The following NFKBIL1 variants were observed in gnomAD, a reference collection of about 807,000 sequenced individuals.
NFKBIL1 encodes NFKB inhibitor like 1, also known as NF-kappa-B inhibitor-like protein 1.
Under a neutral mutation model 45.4 loss-of-function variants are expected in NFKBIL1, and 30 were observed. That is an observed-to-expected ratio of 0.66 (90% CI 0.49 to 0.90). NFKBIL1 has a LOEUF of 0.90. NFKBIL1 is among the 40% of genes least tolerant of loss of function. The probability of loss-of-function intolerance (pLI) is 0.00; values close to 1 mark genes in which losing one functional copy is unlikely to be tolerated. For missense variants in NFKBIL1, 434 were observed against 513.4 expected, an observed-to-expected ratio of 0.85 and a Z score of 1.49; for synonymous variants, 179 against 197.3, an observed-to-expected ratio of 0.91 and a Z score of 0.78.
chr6:31,552,984 G>A (rs1014997152), intron 2 of NFKBIL1, among the ~76,000 whole-genome samples: 2 of 150,886 alleles, frequency 1.3e-5, no homozygotes, highest in African/African-American at 4.9e-5. Flanking sequence ...GATTAGAGGC[G>A]TGAGCCACCG....
intron 2 of NFKBIL1, among the ~76,000 whole-genome samples, chr6:31,551,443 G>A (rs1300633541): frequency 2.0e-5 from 3 of 152,230 alleles, no homozygotes; most frequent in Non-Finnish European, 4.4e-5. Context: ...TCAGGTCATT[G>A]TCTTCCAAAG....
intron 2 of NFKBIL1, chr6:31,556,908 A>G: frequency 1.1e-5 from 4 of 359,224 alleles, no homozygotes; most frequent in South Asian, 7.9e-5. Context: ...GAGCATTCAG[A>G]TATTTTCCCA....
chr6:31,552,791 G>A (rs1310551258), intron 2 of NFKBIL1, among the ~76,000 whole-genome samples: 1 of 127,006 alleles, frequency 7.9e-6, no homozygotes, highest in African/African-American at 3.1e-5. Context: ...TGCAAGCTCC[G>A]CTTCCCAGGT....
intron 2 of NFKBIL1, among the ~76,000 whole-genome samples, chr6:31,553,970 A>T (rs1769578378): frequency 6.6e-6 from 1 of 152,108 alleles, no homozygotes; most frequent in Non-Finnish European, 1.5e-5. Context: ...CGAGTTTTTT[A>T]ATTTCTAAAA....
At chr6:31,555,908 C>T (rs892453962) in intron 2 of NFKBIL1, among the ~76,000 whole-genome samples, 8 of 151,270 alleles carry the variant, frequency 5.3e-5, no homozygotes, top group African/African-American at 1.7e-4. Context: ...GTCCCCCCCC[C>T]CCAGCCTCCC....
intron 1 of NFKBIL1, 35 bp downstream of exon 1, chr6:31,547,786 G>T: frequency 6.5e-7 from 1 of 1,531,928 alleles, no homozygotes; most frequent in African/African-American, 1.4e-5. Flanking sequence ...CATTATTGGA[G>T]ATTATCTGTG....
At position 31,558,039 on chromosome 6, in the gene NFKBIL1, A is replaced by G; in HGVS notation, c.574A>G (p.Thr192Ala). 1.2e-6 allele frequency: 2 copies of G among 1,607,310 alleles called. No homozygotes were observed. Among genetic ancestry groups the G allele is most frequent in the African/African-American group, 1.3e-5 (1 of 74,902 alleles). Reference sequence around the variant, plus strand: ...CCAAACAGGTGATGCCTCCCATGAAACCCAGGAACCTGAGTCCTTCTCAGC... The same window carrying G: ...CCAAACAGGTGATGCCTCCCATGAAGCCCAGGAACCTGAGTCCTTCTCAGC... ...GRFEGDASHE[T>A]QEPESFSAWS... The change falls in exon 4 of 4, where the codon ACC becomes GCC. Residue 192 changes from threonine to alanine, a missense_variant. Physicochemically the swap from Thr to Ala is moderately conservative, Grantham distance 58 (BLOSUM62 0). This residue lies in a region of NFKBIL1 where 231 missense variants were observed against 264.1 expected (regional missense o/e 0.87). Transcript: ENST00000376148. This position sits in a 1 kb window ranked among gnomAD's most constrained non-coding sequence, Gnocchi z 7.2.
At chr6:31,547,898 C>G (rs1027212469) in intron 1 of NFKBIL1, 147 bp downstream of exon 1, 1 of 778,434 alleles carries the variant, frequency 1.3e-6, no homozygotes, top group African/African-American at 1.8e-5. Context: ...TACCTGGGCT[C>G]CTGAGCCTTA....
At chr6:31,551,411 C>T (rs930961105) in intron 2 of NFKBIL1, among the ~76,000 whole-genome samples, 1 of 152,190 alleles carries the variant, frequency 6.6e-6, no homozygotes, top group South Asian at 2.1e-4. Context: ...GGTTCGGGAA[C>T]TTGTCTGAAA....
Position 31,547,685 on chromosome 6 carries a change from G to A in NFKBIL1, c.-10G>A, listed in dbSNP as rs772195744. 4 of 1,606,942 alleles carry A rather than the reference G, an allele frequency of 2.5e-6. No homozygotes were observed. Among genetic ancestry groups the A allele is most frequent in the Non-Finnish European group, 3.4e-6 (4 of 1,175,590 alleles). On this transcript the variant is annotated 5_prime_UTR_variant, in exon 1 of 4. Transcript: ENST00000376148. ...CTCTGGGGGTACTTGGGGGGGCGGG[G>A]GCAGGTCTGATGAGTAACCCCTCCC...
intron 2 of NFKBIL1, among the ~76,000 whole-genome samples, chr6:31,549,556 T>C (rs1007646552): frequency 5.3e-5 from 8 of 151,040 alleles, no homozygotes; most frequent in Non-Finnish European, 1.2e-4. Flanking sequence ...CTGGCCTTGT[T>C]CCTGTTTTTG....
rs1311985420 is a variant in NFKBIL1, at chr6:31,558,482, C to G, written c.1017C>G (p.Val339=). The change falls in exon 4 of 4, where the codon GTC becomes GTG. Residue 339 remains valine (V), a synonymous_variant. Coordinates refer to ENST00000376148, the MANE Select transcript of NFKBIL1 (RefSeq NM_005007.4). This position sits in a 1 kb window ranked among gnomAD's most constrained non-coding sequence, Gnocchi z 7.2. Reference sequence around the variant, plus strand: ...GGAGGTACTTGAGGGTCCAGCAGGTCCGCTGGCACCCTGACCGCTTCCTGC... The same window carrying G: ...GGAGGTACTTGAGGGTCCAGCAGGTGCGCTGGCACCCTGACCGCTTCCTGC... ...ALRRYLRVQQ[V]RWHPDRFLQR... 6.4e-7 allele frequency: 1 copy of G among 1,552,090 alleles called. No individual in the cohort carries two copies. Among genetic ancestry groups the G allele is most frequent in the East Asian group, 2.4e-5 (1 of 41,284 alleles).
chr6:31,547,322 A>G (rs557682188), upstream of NFKBIL1, among the ~76,000 whole-genome samples: 2 of 151,350 alleles, frequency 1.3e-5, no homozygotes, highest in East Asian at 3.9e-4. Context: ...TTCGTCCATC[A>G]CTGAACCATC....
chr6:31,553,128 G>A (rs774369006), intron 2 of NFKBIL1, among the ~76,000 whole-genome samples: 6 of 145,592 alleles, frequency 4.1e-5, no homozygotes, highest in Non-Finnish European at 6.0e-5. Context: ...TACAACCTCC[G>A]CCTCCCGGGT....
At position 31,558,570 on chromosome 6, in the gene NFKBIL1, C is replaced by A; in HGVS notation, c.1105C>A (p.Leu369Ile). The A allele has an allele frequency of 6.4e-7, 1 of 1,562,694 alleles. No individual in the cohort carries two copies. Among genetic ancestry groups the A allele is most frequent in the Non-Finnish European group, 8.7e-7 (1 of 1,153,228 alleles). ...LGRVMGAVTA[L>I]SQALNRHAEA... ...CCGTGTGATGGGAGCAGTGACAGCC[C>A]TTTCTCAGGCCCTGAATCGCCATGC... The change falls in exon 4 of 4, where the codon CTT becomes ATT. Residue 369 changes from leucine (L) to isoleucine (I), a missense_variant. Coordinates refer to ENST00000376148, the MANE Select transcript of NFKBIL1 (RefSeq NM_005007.4). This position sits in a 1 kb window ranked among gnomAD's most constrained non-coding sequence, Gnocchi z 7.2.
chr6:31,548,746 T>TA (rs1315431231), intron 2 of NFKBIL1, among the ~76,000 whole-genome samples: 11 of 152,250 alleles, frequency 7.2e-5, no homozygotes, highest in Admixed American at 7.2e-4. Context: ...GCTCTGGAGT[T>TA]AGATTGCCTG....
Position 31,558,716 on chromosome 6 carries a change from A to T in NFKBIL1, c.*105A>T. 9.8e-7 allele frequency: 1 copy of T among 1,020,434 alleles called. No individual in the cohort carries two copies. Among genetic ancestry groups the T allele is most frequent in the Non-Finnish European group, 1.4e-6 (1 of 713,798 alleles). The allele number at this position is 1,020,434 out of a possible 1,614,324, so 63.2% of individuals were successfully genotyped here. A position where few individuals can be genotyped will look rare whatever the true frequency, so the allele number is the denominator to read the frequency against. On this transcript the variant is annotated 3_prime_UTR_variant, in exon 4 of 4. Coordinates refer to ENST00000376148, the MANE Select transcript of NFKBIL1 (RefSeq NM_005007.4). This position sits in a 1 kb window ranked among gnomAD's most constrained non-coding sequence, Gnocchi z 7.2. ...CACAAGGAAGAGCCAGGTGCTGCTC[A>T]GCAGAGGATATGGGTGGGAGCGAAA... is the stretch of plus-strand genomic sequence containing the variant.
In NFKBIL1 at chr6:31,548,239, G is replaced by C; in HGVS notation, c.134G>C (p.Arg45Pro). Residue 45 changes from arginine (R) to proline (P), a missense_variant, in exon 2 of 4, where the codon CGG becomes CCG. Physicochemically the swap from Arg to Pro is moderately radical, Grantham distance 103. This residue lies in a region of NFKBIL1 where 231 missense variants were observed against 264.1 expected (regional missense o/e 0.87). Transcript: ENST00000376148. Reference sequence around the variant, plus strand: ...TTTCGTCGTTACTTGTCTGCAGGACGGCTGGTCCGGGCCCAGGCCCTCCTC... The same window carrying C: ...TTTCGTCGTTACTTGTCTGCAGGACCGCTGGTCCGGGCCCAGGCCCTCCTC... The part of the protein sequence containing the change: ...RRFRRYLSAG[R>P]LVRAQALLQR... The C allele has an allele frequency of 1.2e-6, 2 of 1,613,110 alleles. No homozygotes were observed. Among genetic ancestry groups the C allele is most frequent in the Non-Finnish European group, 8.5e-7 (1 of 1,180,034 alleles).
intron 2 of NFKBIL1, among the ~76,000 whole-genome samples, chr6:31,550,570 A>G (rs1437086755): frequency 6.6e-6 from 1 of 152,178 alleles, no homozygotes; most frequent in Non-Finnish European, 1.5e-5. Context: ...CTGGAAGGCA[A>G]AAGAGCGGAT....
Sources: gnomAD v4.1 joint callset for allele counts (sites outside exome capture counted in the v4.1 genomes callset) on GRCh38, gnomAD v4.1.1 for gene constraint, gnomAD v4.1.1 regional missense constraint, Gnocchi (gnomAD v3.1) non-coding constraint, MANE v1.5 for transcripts, NCBI Gene and HGNC (gene_info 2026-07-23, HGNC 2026-07-21) for gene names.